PARD3: variants seen among roughly 807,000 people sequenced by gnomAD.
PARD3 encodes the protein par-3 family cell polarity regulator.
Under a neutral mutation model 155.4 loss-of-function variants are expected in PARD3, and 75 were observed. That is an observed-to-expected ratio of 0.48 (90% CI 0.40 to 0.58). PARD3 has a LOEUF of 0.58. Ranked by LOEUF, PARD3 falls within the 20% of genes least tolerant of loss-of-function variation. The probability of loss-of-function intolerance (pLI) is 0.00; values close to 1 mark genes in which losing one functional copy is unlikely to be tolerated. For missense variants in PARD3, 1,642 were observed against 1,721.7 expected (o/e 0.95, Z 0.82); for synonymous variants, 576 against 610.5 (o/e 0.94, Z 0.83).
chr10:34,648,071 T>C (rs1016544681), intron 2 of PARD3, among the ~76,000 whole-genome samples: 63 of 152,230 alleles, frequency 4.1e-4, no homozygotes, highest in Admixed American at 4.1e-3. Context: ...AATAGAAATA[T>C]CTACTTCATC....
intron 2 of PARD3, among the ~76,000 whole-genome samples, chr10:34,554,932 G>A (rs539986858): frequency 6.3e-4 from 96 of 152,292 alleles, no homozygotes; most frequent in Non-Finnish European, 1.1e-3. Flanking sequence ...TTAATCAAGG[G>A]TAAGCAGATA....
Position 34,421,906 on chromosome 10 carries a change from A to G in PARD3, c.715-19989T>C, listed in dbSNP as rs2075334797. 2.6e-5 allele frequency among the ~76,000 whole-genome samples: 4 copies of G among 152,314 alleles called. No individual in the cohort carries two copies. The East Asian group carries it at 7.7e-4, about 29-fold the overall frequency. ...GTGGGGACGTTGCAGAGGCAGCAAG[A>G]TAAAGTTGTAAACAGAGGTCAGAGA... On this transcript the variant is annotated intron_variant, in intron 5 of 24. Coordinates refer to ENST00000374788, the MANE Select transcript of PARD3 (RefSeq NM_001184785.2).
chr10:34,176,529 G>A (rs997970220), intron 22 of PARD3, among the ~76,000 whole-genome samples: 2 of 152,104 alleles, frequency 1.3e-5, no homozygotes, highest in Non-Finnish European at 1.5e-5. Flanking sequence ...GTTTTCTTAC[G>A]CATTTCCAAC....
intron 22 of PARD3, among the ~76,000 whole-genome samples, chr10:34,217,897 T>G (rs1454062920): frequency 6.6e-6 from 1 of 152,110 alleles, no homozygotes; most frequent in African/African-American, 2.4e-5. Flanking sequence ...TTTCAGATAT[T>G]GACGGATACC....
chr10:34,193,257 T>C (rs527596355), intron 22 of PARD3, among the ~76,000 whole-genome samples: 2 of 152,296 alleles, frequency 1.3e-5, no homozygotes, highest in East Asian at 1.9e-4. Context: ...TACATACAAT[T>C]TGCAAGAAAT....
chr10:34,167,940 C>T (rs1159939902), intron 22 of PARD3, among the ~76,000 whole-genome samples: 1 of 151,354 alleles, frequency 6.6e-6, no homozygotes, highest in Non-Finnish European at 1.5e-5. Context: ...CTACCATGAA[C>T]AAAAAAAAGG....
intron 22 of PARD3, among the ~76,000 whole-genome samples, chr10:34,239,802 C>CAAAAA (rs200115114): frequency 8.3e-6 from 1 of 120,368 alleles, no homozygotes. Flanking sequence ...CACTCCATCT[C>CAAAAA]AAAAAAAAAA....
chr10:34,403,110 A>G (rs1363513956), intron 5 of PARD3, among the ~76,000 whole-genome samples: 8 of 152,204 alleles, frequency 5.3e-5, no homozygotes, highest in Non-Finnish European at 7.3e-5. Context: ...ATTAAAGTAA[A>G]ATCATGCCTA....
At chr10:34,344,707 G>T (rs1837219493) in intron 15 of PARD3, 1 of 985,380 alleles carries the variant, frequency 1.0e-6, no homozygotes, top group Non-Finnish European at 1.2e-6. Context: ...GAATGTCCAG[G>T]ACTATTACAA....
intron 1 of PARD3, among the ~76,000 whole-genome samples, chr10:34,769,513 T>C (rs1223216813): frequency 2.0e-5 from 3 of 151,962 alleles, no homozygotes; most frequent in Non-Finnish European, 2.9e-5. Flanking sequence ...CCCGGCACTT[T>C]GGGAGGCTGA....
intron 20 of PARD3, among the ~76,000 whole-genome samples, chr10:34,308,308 T>C (rs999929893): frequency 6.6e-6 from 1 of 152,126 alleles, no homozygotes; most frequent in Non-Finnish European, 1.5e-5. Context: ...GAAGCAGGGG[T>C]TGAGGCAGGG....
intron 1 of PARD3, among the ~76,000 whole-genome samples, chr10:34,744,994 G>A (rs1043567637): frequency 7.9e-5 from 12 of 152,146 alleles, no homozygotes; most frequent in African/African-American, 2.7e-4. Context: ...TGGTCTCCCA[G>A]GAACCCAGTC....
At chr10:34,410,181 C>G (rs1844905071) in intron 5 of PARD3, among the ~76,000 whole-genome samples, 1 of 152,118 alleles carries the variant, frequency 6.6e-6, no homozygotes, top group Non-Finnish European at 1.5e-5. Context: ...TGTCCTTCAT[C>G]TTCTATGGCA....
intron 21 of PARD3, among the ~76,000 whole-genome samples, chr10:34,283,036 G>A (rs1433305729): frequency 6.6e-6 from 1 of 152,014 alleles, no homozygotes; most frequent in Non-Finnish European, 1.5e-5. Flanking sequence ...CAGAGACTCA[G>A]AGTAACCATT....
At chr10:34,763,608 A>ACCAGT (rs1286527945) in intron 1 of PARD3, among the ~76,000 whole-genome samples, 1 of 152,174 alleles carries the variant, frequency 6.6e-6, no homozygotes, top group Non-Finnish European at 1.5e-5. Context: ...GATAAATGTC[A>ACCAGT]CCACTCCACC....
chr10:34,447,662 G>T (rs894853797), intron 5 of PARD3, among the ~76,000 whole-genome samples: 15 of 151,572 alleles, frequency 9.9e-5, no homozygotes, highest in Middle Eastern at 3.4e-3. Flanking sequence ...AAAATTAGCT[G>T]GGCGTGGTGG....
chr10:34,521,780 C>T (rs1275079038), intron 2 of PARD3, among the ~76,000 whole-genome samples: 1 of 152,160 alleles, frequency 6.6e-6, no homozygotes, highest in Non-Finnish European at 1.5e-5. Flanking sequence ...GCTTATAAAA[C>T]CCTTGGATCT....
chr10:34,206,367 G>GA (rs916658197), intron 22 of PARD3, among the ~76,000 whole-genome samples: 3 of 152,222 alleles, frequency 2.0e-5, no homozygotes, highest in Admixed American at 2.0e-4. Flanking sequence ...GCACAGGTAG[G>GA]AAATAGGAAA....
At chr10:34,168,033 T>C (rs1949616909) in intron 22 of PARD3, among the ~76,000 whole-genome samples, 1 of 147,166 alleles carries the variant, frequency 6.8e-6, no homozygotes, top group Admixed American at 6.8e-5. Flanking sequence ...GGTCGTGTCA[T>C]AGTAATGGCT....
Sources: gnomAD v4.1 joint callset for allele counts (sites outside exome capture counted in the v4.1 genomes callset) on GRCh38, gnomAD v4.1.1 for gene constraint, MANE v1.5 for transcripts, NCBI Gene and HGNC (gene_info 2026-07-23, HGNC 2026-07-21) for gene names.